The following CLDN16 variants were observed in gnomAD, a reference collection of about 807,000 sequenced individuals.
CLDN16 encodes claudin-16.
CLDN16 carries 13 observed loss-of-function variants against 24.6 expected under a neutral mutation model. The observed-to-expected ratio is 0.53, with a 90% CI of 0.34 to 0.84. CLDN16 has a LOEUF of 0.84. Among genes scored for constraint, CLDN16 ranks in the 40% least tolerant of loss-of-function variants. CLDN16 has a pLI of 0.01. For synonymous variants in CLDN16, 116 were observed against 106.7 expected (o/e 1.09, Z -0.54); for missense variants, 298 against 292.7 (o/e 1.02, Z -0.13).
chr3:190,395,770 C>T (rs966977826), intron 1 of CLDN16, among the ~76,000 whole-genome samples: 3 of 151,836 alleles, frequency 2.0e-5, no homozygotes, highest in African/African-American at 7.3e-5. Flanking sequence ...TTTTAGTTGT[C>T]TGTACATTTA....
At chr3:190,390,483 G>A (rs564703299) in intron 1 of CLDN16, among the ~76,000 whole-genome samples, 5 of 152,230 alleles carry the variant, frequency 3.3e-5, no homozygotes, top group African/African-American at 4.8e-5. Context: ...GCACTGAGCC[G>A]AGATTGTGCC....
chr3:190,342,294 C>T (rs929404328), intron 1 of CLDN16, among the ~76,000 whole-genome samples: 3 of 152,148 alleles, frequency 2.0e-5, no homozygotes, highest in African/African-American at 7.2e-5. Flanking sequence ...CTTACAGTTC[C>T]ACATGGCTGG....
intron 1 of CLDN16, among the ~76,000 whole-genome samples, chr3:190,345,337 A>T (rs1717527817): frequency 6.6e-6 from 1 of 152,064 alleles, no homozygotes; most frequent in African/African-American, 2.4e-5. Flanking sequence ...CATATCACAC[A>T]CCCACTGCAC....
chr3:190,370,788 A>G (rs1419308809), intron 1 of CLDN16: 1 of 151,808 alleles, frequency 6.6e-6, no homozygotes, highest in African/African-American at 2.4e-5. Flanking sequence ...TTGGGTGGGC[A>G]CCATCTAATC....
chr3:190,348,069 C>T (rs981490891), intron 1 of CLDN16, among the ~76,000 whole-genome samples: 3 of 147,060 alleles, frequency 2.0e-5, no homozygotes, highest in African/African-American at 7.6e-5. Context: ...AGGTGAAACC[C>T]CGTCTCTACT....
rs75771951 is a variant in CLDN16 at position 190,367,988 on chromosome 3, G to A, written n.122-2905G>A. Among the ~76,000 whole-genome samples the A allele has an allele frequency of 4.0e-3, 608 of 151,732 alleles. 4 individuals carry two copies. The highest frequency in any genetic ancestry group is 0.013 in the African/African-American group (520 of 41,394). On this transcript the variant is annotated intron_variant and non_coding_transcript_variant, in intron 1 of 4. Coordinates refer to the CLDN16 transcript ENST00000468220. ...CAGAAATCTCTGTAATCTGATTTAC[G>A]TTGGGTCCTGATGTGTTGGGGAAGC...
intron 1 of CLDN16, among the ~76,000 whole-genome samples, chr3:190,339,730 A>G (rs77865082): frequency 0.011 from 1,685 of 152,330 alleles, 11 homozygotes; most frequent in South Asian, 0.019. Flanking sequence ...GTTTTACCAC[A>G]TATGTAAAAA....
intron 1 of CLDN16, among the ~76,000 whole-genome samples, chr3:190,388,719 C>T (rs896339561): frequency 7.9e-5 from 12 of 152,144 alleles, no homozygotes; most frequent in African/African-American, 2.7e-4. Flanking sequence ...TAAGTGATCT[C>T]TGCTACTGAG....
Position 190,357,864 on chromosome 3 carries a change from T to A in CLDN16, n.122-13029T>A, listed in dbSNP as rs75909888. Among the ~76,000 whole-genome samples, 36 of 152,108 alleles carry A rather than the reference T, an allele frequency of 2.4e-4. No homozygotes were observed. The East Asian group carries it at 6.4e-3, about 27-fold the overall frequency. ...ATAATCCCCAAGCACTTCAGACTAGTCTCATGGTCCTTGTTACACGTTAAT... is the reference window on the plus strand; with the variant it reads ...ATAATCCCCAAGCACTTCAGACTAGACTCATGGTCCTTGTTACACGTTAAT... On this transcript the variant is annotated intron_variant and non_coding_transcript_variant, in intron 1 of 4. Transcript: ENST00000468220.
At chr3:190,291,140 T>C in the CLDN16 span, among the ~76,000 whole-genome samples, 1 of 152,086 alleles carries the variant, frequency 6.6e-6, no homozygotes, top group African/African-American at 2.4e-5. Flanking sequence ...CAAATGTAAA[T>C]GGCCTGCAGT....
chr3:190,399,292 T>A (rs1718899755), intron 1 of CLDN16, among the ~76,000 whole-genome samples: 2 of 151,854 alleles, frequency 1.3e-5, no homozygotes, highest in Non-Finnish European at 2.9e-5. Flanking sequence ...TCACCTGAGG[T>A]CAGGAGTTCG....
chr3:190,320,072 GT>G (rs1716878051), upstream of CLDN16, among the ~76,000 whole-genome samples: 1 of 144,632 alleles, frequency 6.9e-6, no homozygotes, highest in South Asian at 2.2e-4. Context: ...TAAAGTGTGT[GT>G]GGGGGGGTAG....
At chr3:190,344,765 T>A (rs979944184) in intron 1 of CLDN16, among the ~76,000 whole-genome samples, 2 of 151,614 alleles carry the variant, frequency 1.3e-5, no homozygotes, top group African/African-American at 4.8e-5. Flanking sequence ...GGAGGATAAA[T>A]GTCTGGAGAA....
chr3:190,395,981 C>G (rs576906129), intron 1 of CLDN16, among the ~76,000 whole-genome samples: 11 of 152,158 alleles, frequency 7.2e-5, no homozygotes, highest in Middle Eastern at 6.8e-3. Context: ...TTGAATGTCT[C>G]TAATTCTCAA....
At chr3:190,377,991 A>C (rs1270118219) in intron 3 of CLDN16, among the ~76,000 whole-genome samples, 1 of 151,988 alleles carries the variant, frequency 6.6e-6, no homozygotes, top group Non-Finnish European at 1.5e-5. Flanking sequence ...GTAGAAGTCT[A>C]TATTGCATAG....
In CLDN16 at chr3:190,410,998, C is replaced by G. The variant is rs1344473010; in HGVS notation, c.*962C>G. The stretch of plus-strand genomic sequence containing the variant: ...AATGTTGCGGCTGGGCACGGTAGCT[C>G]GCGTCTGTAATCCCCGCACTTTGGG... On this transcript the variant is annotated 3_prime_UTR_variant, in exon 5 of 5. Coordinates refer to ENST00000264734, the MANE Select transcript of CLDN16 (RefSeq NM_006580.4). 1 of 152,166 alleles carries G rather than the reference C, an allele frequency of 6.6e-6. No individual in the cohort carries two copies. 9.4% of individuals were successfully genotyped at this position (152,166 alleles called of 1,614,324 possible). A position where few individuals can be genotyped will look rare whatever the true frequency, so the allele number is the denominator to read the frequency against.
In CLDN16 at chr3:190,380,240, C is replaced by CCCTCCCTCCCTTCCTTCCTTCCTT. The variant is rs1417978876; in HGVS notation, n.306+5640_306+5641insCCCTCCCTTCCTTCCTTCCTTCCT. Among the ~76,000 whole-genome samples the CCCTCCCTCCCTTCCTTCCTTCCTT allele has an allele frequency of 3.6e-4, 17 of 47,834 alleles. 2 individuals carry two copies. Among genetic ancestry groups the CCCTCCCTCCCTTCCTTCCTTCCTT allele is most frequent in the Non-Finnish European group, 4.4e-4 (12 of 27,150 alleles). The allele number at this position is 47,834 out of a possible 152,430, so 31.4% of individuals were successfully genotyped here. On this transcript the variant is annotated intron_variant and non_coding_transcript_variant, in intron 3 of 4. Transcript: ENST00000468220. ...CCTTCCTTCCTTTTCTTCCTTCCCT[C>CCCTCCCTCCCTTCCTTCCTTCCTT]CCTTCCTTCCTTCCTTTCTTCCTTC...
intron 1 of CLDN16, among the ~76,000 whole-genome samples, chr3:190,348,334 A>G (rs1490292383): frequency 1.3e-5 from 1 of 79,792 alleles, no homozygotes; most frequent in Non-Finnish European, 2.3e-5. Flanking sequence ...GCAAGACTGC[A>G]ATGTGTGTGT....
chr3:190,362,988 G>A (rs531068793), intron 1 of CLDN16, among the ~76,000 whole-genome samples: 1 of 151,886 alleles, frequency 6.6e-6, no homozygotes, highest in East Asian at 2.0e-4. Flanking sequence ...TTGCATATGT[G>A]CATTTTTTAA....
Sources: allele counts gnomAD v4.1 joint callset (sites outside exome capture counted in the v4.1 genomes callset), GRCh38; gene constraint gnomAD v4.1.1; transcripts MANE v1.5; gene names NCBI Gene and HGNC (gene_info 2026-07-23, HGNC 2026-07-21).